The following OR51B5 variants were observed in gnomAD, a reference collection of about 807,000 sequenced individuals.
OR51B5 encodes the protein olfactory receptor family 51 subfamily B member 5.
For missense variants in OR51B5, 456 were observed against 374.6 expected (o/e 1.22, Z -1.79); for synonymous variants, 186 against 144.8 (o/e 1.28, Z -2.04).
chr11:5,347,576 A>G (rs546422373), upstream of OR51B5, among the ~76,000 whole-genome samples: 109 of 152,304 alleles, frequency 7.2e-4, no homozygotes, highest in African/African-American at 2.4e-3. Flanking sequence ...ATGAAATGCA[A>G]TGAGATAAAA....
chr11:5,441,929 C>G (rs1050564795), intron 1 of OR51B5, among the ~76,000 whole-genome samples: 2 of 152,120 alleles, frequency 1.3e-5, no homozygotes, highest in Admixed American at 6.5e-5. Flanking sequence ...AGACTTCACC[C>G]CAGCCTCCCA....
chr11:5,378,975 G>C (rs542867036), intron 1 of OR51B5, among the ~76,000 whole-genome samples: 1 of 151,378 alleles, frequency 6.6e-6, no homozygotes, highest in African/African-American at 2.4e-5. Flanking sequence ...TATACCCAAA[G>C]GAATATAAAT....
At chr11:5,496,910 G>T (rs547402916) in intron 1 of OR51B5, among the ~76,000 whole-genome samples, 1 of 152,270 alleles carries the variant, frequency 6.6e-6, no homozygotes, top group South Asian at 2.1e-4. Flanking sequence ...GTCCTAGACA[G>T]CACTTCATTA....
At chr11:5,477,401 G>T (rs1851326851) in intron 1 of OR51B5, among the ~76,000 whole-genome samples, 1 of 152,140 alleles carries the variant, frequency 6.6e-6, no homozygotes, top group Non-Finnish European at 1.5e-5. Flanking sequence ...CCTCCTTGAA[G>T]CTCCCAGGTT....
chr11:5,374,887 G>C (rs558364522), intron 1 of OR51B5, among the ~76,000 whole-genome samples: 2,171 of 152,020 alleles, frequency 0.014, 44 homozygotes, highest in African/African-American at 0.044. Context: ...GGGGAGAATC[G>C]AACCAAGTTG....
At chr11:5,359,745 A>C (rs1306748695) in intron 1 of OR51B5, among the ~76,000 whole-genome samples, 1 of 151,026 alleles carries the variant, frequency 6.6e-6, no homozygotes, top group Non-Finnish European at 1.5e-5. Flanking sequence ...TTCAAACTAT[A>C]CTACAAGGCT....
At chr11:5,431,914 A>G (rs1243125956) in intron 1 of OR51B5, among the ~76,000 whole-genome samples, 2 of 152,192 alleles carry the variant, frequency 1.3e-5, no homozygotes, top group Non-Finnish European at 2.9e-5. Flanking sequence ...ATATTTGTAC[A>G]TATTTATGGG....
At chr11:5,489,037 T>C (rs752836938) in intron 1 of OR51B5, 15 of 1,613,990 alleles carry the variant, frequency 9.3e-6, no homozygotes, top group Non-Finnish European at 1.2e-5. Context: ...CCATTCTATC[T>C]ATGCTCTGGA....
intron 1 of OR51B5, among the ~76,000 whole-genome samples, chr11:5,420,486 T>C (rs908674776): frequency 5.3e-5 from 8 of 152,010 alleles, no homozygotes; most frequent in Non-Finnish European, 1.0e-4. Context: ...TTGATAAATA[T>C]TGATATATTT....
At chr11:5,477,432 C>G (rs1851327614) in intron 1 of OR51B5, among the ~76,000 whole-genome samples, 1 of 152,130 alleles carries the variant, frequency 6.6e-6, no homozygotes, top group Admixed American at 6.5e-5. Context: ...AGCATTCCTG[C>G]CTGCATTCAT....
At chr11:5,352,087 C>G (rs751616967) in intron 1 of OR51B5, 1 of 1,614,086 alleles carries the variant, frequency 6.2e-7, no homozygotes, top group Non-Finnish European at 8.5e-7. Flanking sequence ...CACCTTCAAC[C>G]GTCTCTATCC....
At chr11:5,411,443 T>C (rs10838053) in intron 1 of OR51B5, among the ~76,000 whole-genome samples, 57,892 of 151,278 alleles carry the variant, frequency 0.38, 12,733 homozygotes, top group Non-Finnish European at 0.5. Flanking sequence ...TAACAACACA[T>C]ATCTCAGGAC....
chr11:5,470,655 A>G (rs1399473087), intron 1 of OR51B5, among the ~76,000 whole-genome samples: 1 of 152,228 alleles, frequency 6.6e-6, no homozygotes. Context: ...CTTCAAAGTT[A>G]TCATCTCATC....
At chr11:5,345,988 C>G (rs1035431017), upstream of OR51B5, 1 of 152,132 alleles carries the variant, frequency 6.6e-6, no homozygotes, top group African/African-American at 2.4e-5. Flanking sequence ...GATAATCCAG[C>G]TTAGCTCCTC....
chr11:5,424,334 G>A (rs1589989567), intron 1 of OR51B5, among the ~76,000 whole-genome samples: 1 of 151,744 alleles, frequency 6.6e-6, no homozygotes, highest in East Asian at 1.9e-4. Flanking sequence ...AAGAGAAAAG[G>A]GAAAACAAAA....
At chr11:5,344,596 T>C (rs906579448), upstream of OR51B5, among the ~76,000 whole-genome samples, 1 of 152,152 alleles carries the variant, frequency 6.6e-6, no homozygotes, top group African/African-American at 2.4e-5. Context: ...GCCACTAGAC[T>C]AGGGGCTTCT....
intron 1 of OR51B5, among the ~76,000 whole-genome samples, chr11:5,373,462 T>A (rs1196560436): frequency 6.6e-6 from 1 of 151,706 alleles, no homozygotes; most frequent in African/African-American, 2.4e-5. Flanking sequence ...CGCTAGGGAG[T>A]GCCAGACAGT....
chr11:5,394,020 C>T (rs1260853315), intron 1 of OR51B5, among the ~76,000 whole-genome samples: 2 of 151,944 alleles, frequency 1.3e-5, no homozygotes, highest in Non-Finnish European at 2.9e-5. Context: ...CATTTAGTAT[C>T]AGGAAAAGAT....
At chr11:5,494,876 CAG>C (rs1376275815) in intron 1 of OR51B5, among the ~76,000 whole-genome samples, 1 of 152,216 alleles carries the variant, frequency 6.6e-6, no homozygotes, top group Non-Finnish European at 1.5e-5. Flanking sequence ...GATTGAGAAA[CAG>C]AGAACAGATA....
Sources: allele counts gnomAD v4.1 joint callset (sites outside exome capture counted in the v4.1 genomes callset), GRCh38; gene constraint gnomAD v4.1.1; transcripts MANE v1.5; gene names NCBI Gene and HGNC (gene_info 2026-07-23, HGNC 2026-07-21).